Variants in CTNNA3 observed in about 807,000 individuals in gnomAD.
The protein encoded by CTNNA3 is catenin alpha 3.
A neutral mutation model predicts 95.7 loss-of-function variants in CTNNA3; 76 were observed. The ratio of observed to expected loss-of-function variants is 0.79; its 90% CI spans 0.66 to 0.96. The LOEUF (loss-of-function observed/expected upper bound fraction) is 0.96, where lower values mean the gene tolerates loss of function less well. Ranked by LOEUF, CTNNA3 falls within the 40% of genes least tolerant of loss-of-function variation. CTNNA3 has a pLI of 0.00. For synonymous variants in CTNNA3, 431 were observed against 374.4 expected, an observed-to-expected ratio of 1.15 and a Z score of -1.74; for missense variants, 1,191 against 1,089.8, an observed-to-expected ratio of 1.09 and a Z score of -1.31.
At chr10:67,697,489 T>C (rs1172208636), upstream of CTNNA3, among the ~76,000 whole-genome samples, 2 of 152,228 alleles carry the variant, frequency 1.3e-5, no homozygotes, top group African/African-American at 4.8e-5. Context: ...TAGCTTGTCC[T>C]GCTGTGAAAC....
intron 10 of CTNNA3, among the ~76,000 whole-genome samples, chr10:66,586,441 C>T (rs1254488877): frequency 3.3e-5 from 5 of 151,980 alleles, no homozygotes; most frequent in Admixed American, 6.6e-5. Context: ...GAAAGCAATC[C>T]ACCTCCCAGT....
chr10:66,463,978 G>T (rs1269092180), intron 11 of CTNNA3, among the ~76,000 whole-genome samples: 2 of 151,840 alleles, frequency 1.3e-5, no homozygotes, highest in Non-Finnish European at 2.9e-5. Flanking sequence ...CTTGGTCTCA[G>T]GACCACTCAG....
chr10:67,333,060 C>T (rs1841857803), intron 5 of CTNNA3, among the ~76,000 whole-genome samples: 1 of 152,220 alleles, frequency 6.6e-6, no homozygotes, highest in Non-Finnish European at 1.5e-5. Context: ...GAATAGTCTA[C>T]ATACTTTATC....
At chr10:67,243,332 A>G (rs544543890) in intron 5 of CTNNA3, among the ~76,000 whole-genome samples, 24 of 152,152 alleles carry the variant, frequency 1.6e-4, no homozygotes, top group African/African-American at 5.3e-4. Context: ...TCCAATATAC[A>G]CCCTTGCTCT....
At chr10:67,406,887 A>T (rs1268479955) in intron 5 of CTNNA3, among the ~76,000 whole-genome samples, 1 of 152,164 alleles carries the variant, frequency 6.6e-6, no homozygotes, top group East Asian at 1.9e-4. Context: ...GAGTCCCTGA[A>T]CAGATCAACA....
At chr10:67,625,976 G>T (rs1346627181) in intron 2 of CTNNA3, among the ~76,000 whole-genome samples, 9 of 152,116 alleles carry the variant, frequency 5.9e-5, no homozygotes, top group Admixed American at 5.2e-4. Flanking sequence ...CTGGAGCCCA[G>T]GAGTTTGAGA....
chr10:66,840,818 G>C (rs7919437), intron 7 of CTNNA3, among the ~76,000 whole-genome samples: 133,097 of 152,086 alleles, frequency 0.88, 58,656 homozygotes, highest in African/African-American at 0.97. Flanking sequence ...TTCCACAAAG[G>C]ACAGAATTAA....
chr10:67,120,609 A>G (rs542741228), intron 7 of CTNNA3, among the ~76,000 whole-genome samples: 1 of 152,146 alleles, frequency 6.6e-6, no homozygotes, highest in Admixed American at 6.6e-5. Flanking sequence ...TCCAGAAAAT[A>G]AAAGACTCAA....
intron 7 of CTNNA3, among the ~76,000 whole-genome samples, chr10:66,950,718 G>A (rs990317252): frequency 9.2e-5 from 14 of 152,092 alleles, no homozygotes; most frequent in African/African-American, 2.9e-4. Context: ...AGCAACCTTT[G>A]TAGCTACATG....
intron 13 of CTNNA3, among the ~76,000 whole-genome samples, chr10:66,134,355 A>T (rs2083256325): frequency 1.3e-5 from 2 of 152,124 alleles, no homozygotes. Context: ...TTTTTCTAAG[A>T]TACAAATCAA....
chr10:66,862,463 G>A (rs1459264662), intron 7 of CTNNA3, among the ~76,000 whole-genome samples: 3 of 152,078 alleles, frequency 2.0e-5, no homozygotes, highest in African/African-American at 4.8e-5. Context: ...ACTAGGGCAG[G>A]GGATACTACT....
chr10:66,909,631 T>TA (rs1846139334), intron 7 of CTNNA3, among the ~76,000 whole-genome samples: 1 of 152,032 alleles, frequency 6.6e-6, no homozygotes, highest in South Asian at 2.1e-4. Flanking sequence ...AAGAGAGCAA[T>TA]AAAAATCCAT....
chr10:66,006,883 A>G (rs1303024311), intron 15 of CTNNA3, among the ~76,000 whole-genome samples: 8 of 152,220 alleles, frequency 5.3e-5, no homozygotes, highest in Non-Finnish European at 1.0e-4. Flanking sequence ...TGAAAGAGCC[A>G]CTAACTTAGT....
At chr10:66,896,482 G>T (rs1845497529) in intron 7 of CTNNA3, among the ~76,000 whole-genome samples, 1 of 152,092 alleles carries the variant, frequency 6.6e-6, no homozygotes, top group South Asian at 2.1e-4. Flanking sequence ...CAAATTTTAT[G>T]GTGTATCCAA....
intron 2 of CTNNA3, among the ~76,000 whole-genome samples, chr10:67,607,396 TTAAA>T (rs1391087334): frequency 2.0e-5 from 3 of 152,074 alleles, no homozygotes; most frequent in Non-Finnish European, 4.4e-5. Context: ...GAAAACATAA[TTAAA>T]TAAATCAACA....
chr10:67,305,227 G>T (rs2132509222), intron 5 of CTNNA3, among the ~76,000 whole-genome samples: 1 of 152,276 alleles, frequency 6.6e-6, no homozygotes, highest in East Asian at 1.9e-4. Flanking sequence ...AGTGAGCCGA[G>T]ATCGCGCCAC....
intron 7 of CTNNA3, among the ~76,000 whole-genome samples, chr10:66,941,772 A>AT (rs1848008895): frequency 6.6e-6 from 1 of 152,214 alleles, no homozygotes; most frequent in African/African-American, 2.4e-5. Context: ...GAGCACACAA[A>AT]TGACATCTTA....
chr10:67,640,267 G>T (rs1305587878), intron 2 of CTNNA3, among the ~76,000 whole-genome samples: 2 of 152,086 alleles, frequency 1.3e-5, no homozygotes, highest in Non-Finnish European at 2.9e-5. Context: ...GCTTCAAAGA[G>T]AATAAAATAC....
At chr10:66,084,154 A>AAAAAAAAAAAAG (rs1564627073) in intron 14 of CTNNA3, among the ~76,000 whole-genome samples, 49 of 141,376 alleles carry the variant, frequency 3.5e-4, no homozygotes, top group Middle Eastern at 3.9e-3. Context: ...AAAAGAAAAA[A>AAAAAAAAAAAAG]AAAGAAAAAG....
Sources: allele counts gnomAD v4.1 joint callset (sites outside exome capture counted in the v4.1 genomes callset), GRCh38; gene constraint gnomAD v4.1.1; transcripts MANE v1.5; gene names NCBI Gene and HGNC (gene_info 2026-07-23, HGNC 2026-07-21).